Variants in NAA25 observed in about 807,000 individuals in gnomAD.
The protein encoded by NAA25 is N-alpha-acetyltransferase 25, NatB auxiliary subunit.
NAA25 carries 30 observed loss-of-function variants against 132.5 expected under a neutral mutation model. The ratio of observed to expected loss-of-function variants is 0.23; its 90% confidence interval spans 0.17 to 0.31. NAA25 has a LOEUF of 0.31. Among genes scored for constraint, NAA25 ranks in the 10% least tolerant of loss-of-function variants. NAA25 has a pLI of 1.00. For missense variants in NAA25, 771 were observed against 1,150.4 expected, an observed-to-expected ratio of 0.67 and a Z score of 4.77; for synonymous variants, 359 against 401.9, an observed-to-expected ratio of 0.89 and a Z score of 1.28.
chr12:112,042,107 A>G lies in NAA25; in HGVS notation c.2375-3T>C, dbSNP rs1005709783. The stretch of plus-strand genomic sequence containing the variant: ...TTCCTGAATCTCCATTGTATCCTCT[A>G]AAATTGAAAAACAAAAAATGAAAAA... On this transcript the variant is annotated splice_polypyrimidine_tract_variant and splice_region_variant and intron_variant, in intron 19 of 23. Transcript: ENST00000261745. 9 of 1,421,704 alleles carry G rather than the reference A, an allele frequency of 6.3e-6. No homozygotes were observed. The African/African-American group carries it at 9.0e-5, about 14-fold the overall frequency. The allele number at this position is 1,421,704 out of a possible 1,614,324, so 88.1% of individuals were successfully genotyped here.
chr12:112,048,512 G>A, intron 15 of NAA25, 69 bp from the exon 16 acceptor site: 2 of 1,383,934 alleles, frequency 1.4e-6, no homozygotes, highest in South Asian at 1.3e-5. Flanking sequence ...AACCTTGCCA[G>A]CCAAAACAAA....
At chr12:112,079,954 T>C (rs1481417123) in intron 5 of NAA25, among the ~76,000 whole-genome samples, 4 of 152,138 alleles carry the variant, frequency 2.6e-5, no homozygotes, top group Non-Finnish European at 5.9e-5. Context: ...CAGTCCATGC[T>C]ACCCACAAAT....
intron 3 of NAA25, among the ~76,000 whole-genome samples, chr12:112,088,623 C>CT (rs58148161): frequency 2.4e-3 from 315 of 132,050 alleles, no homozygotes; most frequent in African/African-American, 4.5e-3. Flanking sequence ...ACAGAAAGTG[C>CT]TTTTTTTTTT....
At chr12:112,068,805 G>C (rs2078758247) in intron 11 of NAA25, 75 bp downstream of exon 11, 1 of 804,972 alleles carries the variant, frequency 1.2e-6, no homozygotes, top group South Asian at 1.8e-5. Context: ...TTTTAGAAAA[G>C]AAACCCAAAC....
intron 1 of NAA25, among the ~76,000 whole-genome samples, chr12:112,108,292 A>G (rs997075033): frequency 2.6e-5 from 4 of 152,080 alleles, no homozygotes; most frequent in African/African-American, 9.7e-5. Flanking sequence ...TCTAGGCCCA[A>G]TTCCCGTAAA....
chr12:112,078,970 C>T (rs1271133244), intron 5 of NAA25, among the ~76,000 whole-genome samples: 1 of 152,162 alleles, frequency 6.6e-6, no homozygotes, highest in Admixed American at 6.6e-5. Context: ...TTCCACAATA[C>T]AACCTAGCAT....
chr12:112,091,360 A>G (rs917031105), intron 2 of NAA25, among the ~76,000 whole-genome samples: 5 of 152,104 alleles, frequency 3.3e-5, no homozygotes, highest in Non-Finnish European at 7.4e-5. Flanking sequence ...CAGCCTAGGC[A>G]ACACAGTGAG....
At chr12:112,040,304 G>A (rs1275607239) in intron 21 of NAA25, 177 bp downstream of exon 21, 1 of 491,960 alleles carries the variant, frequency 2.0e-6, no homozygotes, top group Non-Finnish European at 3.6e-6. Context: ...AATCATCTTA[G>A]AATTCTTGGA....
chr12:112,073,935 G>GATCT (rs2078855024), intron 9 of NAA25, among the ~76,000 whole-genome samples: 1 of 152,086 alleles, frequency 6.6e-6, no homozygotes, highest in African/African-American at 2.4e-5. Flanking sequence ...AAATGAAAGA[G>GATCT]ATCTACATGT....
At position 112,054,502 on chromosome 12, in the gene NAA25, T is replaced by C. The variant is rs546448918; in HGVS notation, c.1514A>G (p.Asn505Ser). The C allele has an allele frequency of 1.1e-5, 17 of 1,614,162 alleles. No individual in the cohort carries two copies. The South Asian group carries it at 1.3e-4, about 13-fold the overall frequency. Residue 505 changes from asparagine to serine, a missense_variant, in exon 14 of 24, where the codon AAT (asparagine) becomes AGT (serine). Physicochemically the swap from Asn to Ser is conservative, Grantham distance 46. Around this residue, in one of 3 missense-constraint regions of NAA25, gnomAD observed 417 missense variants for 733.8 expected, o/e 0.57. Coordinates refer to ENST00000261745, the MANE Select transcript of NAA25 (RefSeq NM_024953.4). ...LEEGLTHSPS[N>S]AQFKLLLVRI... Reference sequence around the variant, plus strand: ...AACAAGCAGCAATTTGAACTGAGCATTGGAAGGGCTATGGGTTAATCCCTC... The same window carrying C: ...AACAAGCAGCAATTTGAACTGAGCACTGGAAGGGCTATGGGTTAATCCCTC...
chr12:112,075,940 T>C, intron 7 of NAA25, 151 bp from the exon 8 acceptor site: 1 of 574,706 alleles, frequency 1.7e-6, no homozygotes, highest in Non-Finnish European at 3.0e-6. Context: ...TGGAGTGCAA[T>C]GGCACGATCT....
At chr12:112,107,995 A>G (rs1480510380) in intron 1 of NAA25, among the ~76,000 whole-genome samples, 1 of 152,184 alleles carries the variant, frequency 6.6e-6, no homozygotes, top group African/African-American at 2.4e-5. Context: ...AAAGCTGCAG[A>G]GAAAACCACA....
chr12:112,090,562 A>G (rs753806612), intron 3 of NAA25, 164 bp downstream of exon 3: 5 of 582,566 alleles, frequency 8.6e-6, no homozygotes, highest in Non-Finnish European at 1.4e-5. Flanking sequence ...TAATGCATGT[A>G]AACTATCCTT....
At chr12:112,050,668 G>A (rs1042608316) in intron 15 of NAA25, among the ~76,000 whole-genome samples, 12 of 151,700 alleles carry the variant, frequency 7.9e-5, no homozygotes, top group Non-Finnish European at 7.4e-5. Flanking sequence ...ACAGGCGCTC[G>A]CCAACACACC....
intron 13 of NAA25, among the ~76,000 whole-genome samples, chr12:112,054,940 T>G (rs1183633116): frequency 2.0e-5 from 3 of 152,186 alleles, no homozygotes; most frequent in Non-Finnish European, 4.4e-5. Flanking sequence ...CCCAGACAGA[T>G]GTTATCTATA....
intron 13 of NAA25, 50 bp downstream of exon 13, chr12:112,060,220 T>C (rs576785729): frequency 8.2e-7 from 1 of 1,219,368 alleles, no homozygotes. Context: ...GCAGTACTTA[T>C]AATCAATAAA....
chr12:112,040,730 AGACTATCCATT>A (rs2078290462), intron 20 of NAA25, 152 bp from the exon 21 acceptor site: 2 of 571,172 alleles, frequency 3.5e-6, no homozygotes, highest in Non-Finnish European at 6.1e-6. Flanking sequence ...TCCAAAGGAT[AGACTATCCATT>A]GTAAGTTCTT....
chr12:112,104,760 C>T (rs994641182), intron 1 of NAA25, among the ~76,000 whole-genome samples: 2 of 151,342 alleles, frequency 1.3e-5, no homozygotes, highest in African/African-American at 4.8e-5. Context: ...GGCGTGAACC[C>T]GGAAGGTGGA....
chr12:112,078,301 A>G, intron 6 of NAA25, 35 bp from the exon 7 acceptor site: 1 of 1,425,914 alleles, frequency 7.0e-7, no homozygotes, highest in African/African-American at 1.4e-5. Context: ...CAACCTCTGA[A>G]ACTTTTCAAT....
Sources: gnomAD v4.1 joint callset for allele counts (sites outside exome capture counted in the v4.1 genomes callset) on GRCh38, gnomAD v4.1.1 for gene constraint, gnomAD v4.1.1 regional missense constraint, MANE v1.5 for transcripts, NCBI Gene and HGNC (gene_info 2026-07-23, HGNC 2026-07-21) for gene names.